The following MCM9 variants were observed in gnomAD, a reference collection of about 807,000 sequenced individuals.
MCM9 encodes minichromosome maintenance 9 homologous recombination repair factor, also known as DNA helicase MCM9.
MCM9 carries 55 observed loss-of-function variants against 72.8 expected under a neutral mutation model. The observed-to-expected ratio is 0.76, with a 90% CI of 0.61 to 0.95. The LOEUF (loss-of-function observed/expected upper bound fraction) is 0.95. Ranked by LOEUF, MCM9 falls within the 40% of genes least tolerant of loss-of-function variation. The probability of loss-of-function intolerance (pLI) is 0.00; values close to 1 mark genes in which losing one functional copy is unlikely to be tolerated. For missense variants in MCM9, 1,279 were observed against 1,377.0 expected (o/e 0.93, Z 1.13); for synonymous variants, 480 against 503.4 (o/e 0.95, Z 0.62).
chr6:118,894,274 A>C (rs370372401), intron 8 of MCM9: 11 of 1,462,082 alleles, frequency 7.5e-6, no homozygotes, highest in Non-Finnish European at 9.9e-6. Context: ...TAAAAAGAGG[A>C]AAAAAGTTTC....
intron 8 of MCM9, among the ~76,000 whole-genome samples, chr6:118,895,624 T>C (rs893482149): frequency 6.6e-6 from 1 of 152,160 alleles, no homozygotes; most frequent in African/African-American, 2.4e-5. Context: ...GTCTTAAAAA[T>C]ACGTATTTTT....
At chr6:118,897,826 T>TA (rs748981039) in intron 8 of MCM9, among the ~76,000 whole-genome samples, 2,918 of 145,380 alleles carry the variant, frequency 0.02, 38 homozygotes, top group Middle Eastern at 0.055. Context: ...AAAGCTGGGT[T>TA]AAAAAAAAAA....
At chr6:118,891,038 T>C (rs1778910042) in intron 8 of MCM9, among the ~76,000 whole-genome samples, 2 of 152,232 alleles carry the variant, frequency 1.3e-5, no homozygotes, top group African/African-American at 4.8e-5. Flanking sequence ...TTTGATTTAA[T>C]TCAATTTTAG....
intron 8 of MCM9, among the ~76,000 whole-genome samples, chr6:118,878,141 G>A (rs1391920649): frequency 6.6e-6 from 1 of 152,072 alleles, no homozygotes; most frequent in Non-Finnish European, 1.5e-5. Context: ...CAGCCTGGGT[G>A]ACAGAGCGAG....
intron 8 of MCM9, among the ~76,000 whole-genome samples, chr6:118,865,262 C>T (rs888369586): frequency 6.6e-6 from 1 of 152,060 alleles, no homozygotes; most frequent in African/African-American, 2.4e-5. Flanking sequence ...GGACGTCATA[C>T]CATAGGGGCA....
intron 6 of MCM9, among the ~76,000 whole-genome samples, chr6:118,915,551 T>C (rs1780874439): frequency 6.6e-6 from 1 of 152,166 alleles, no homozygotes; most frequent in Non-Finnish European, 1.5e-5. Flanking sequence ...TCCTAGCCAG[T>C]ACCCACAGGA....
intron 9 of MCM9, among the ~76,000 whole-genome samples, chr6:118,844,486 T>C (rs1775722194): frequency 6.6e-6 from 1 of 151,454 alleles, no homozygotes; most frequent in South Asian, 2.1e-4. Flanking sequence ...AAAGCCAACA[T>C]GTACTATTCT....
Position 118,923,958 on chromosome 6 carries a change from A to T in MCM9, c.474T>A (p.Ala158=). Reference sequence around the variant, plus strand: ...AAAAGGTGTAATACTGCTCAAAGTCAGCCTTGATCACAAACACATGCTTGC... The same window carrying T: ...AAAAGGTGTAATACTGCTCAAAGTCTGCCTTGATCACAAACACATGCTTGC... ...NKCKHVFVIK[A]DFEQYYTFCR... is the part of the protein sequence containing the mutation. The change falls in exon 4 of 14, where the codon GCT becomes GCA. Residue 158 remains alanine, a synonymous_variant. Coordinates refer to ENST00000619706, the MANE Select transcript of MCM9 (RefSeq NM_017696.3). 3 of 1,614,260 alleles carry T rather than the reference A, an allele frequency of 1.9e-6. No homozygotes were observed. Among genetic ancestry groups the T allele is most frequent in the Non-Finnish European group, 2.5e-6 (3 of 1,180,046 alleles).
chr6:118,832,598 A>C (rs1774644055), intron 9 of MCM9, among the ~76,000 whole-genome samples: 2 of 152,224 alleles, frequency 1.3e-5, no homozygotes, highest in African/African-American at 4.8e-5. Context: ...CAAGAAGTAA[A>C]GACATTCCAA....
intron 2 of MCM9, 103 bp from the exon 3 acceptor site, chr6:118,931,841 C>G (rs144065765): frequency 2.5e-5 from 20 of 807,230 alleles, no homozygotes; most frequent in Non-Finnish European, 3.2e-5. Flanking sequence ...TTGGGTCATA[C>G]TATAATCACA....
chr6:118,896,458 C>T (rs1053448263), intron 8 of MCM9, among the ~76,000 whole-genome samples: 2 of 152,128 alleles, frequency 1.3e-5, no homozygotes, highest in Non-Finnish European at 2.9e-5. Context: ...GATGTCGTTA[C>T]AGGGCTTTTA....
chr6:118,901,349 T>A (rs993127544), intron 8 of MCM9, among the ~76,000 whole-genome samples: 2 of 152,258 alleles, frequency 1.3e-5, no homozygotes, highest in Non-Finnish European at 2.9e-5. Context: ...TTCAGCATAA[T>A]CAGTAGTTGA....
chr6:118,884,910 T>C (rs556565512), intron 8 of MCM9, among the ~76,000 whole-genome samples: 50 of 152,236 alleles, frequency 3.3e-4, no homozygotes, highest in African/African-American at 1.2e-3. Context: ...ATTAAAACAA[T>C]AGCCAGCTGG....
At chr6:118,909,750 A>T (rs7775275) in intron 8 of MCM9, among the ~76,000 whole-genome samples, 28,684 of 152,100 alleles carry the variant, frequency 0.19, 3,223 homozygotes, top group African/African-American at 0.29. Flanking sequence ...TAATTTTAGG[A>T]TTTGGGGTTT....
In MCM9 at chr6:118,815,427, A is replaced by G; in HGVS notation, c.2829T>C (p.Pro943=). 6.4e-7 allele frequency: 1 copy of G among 1,550,554 alleles called. No individual in the cohort carries two copies. Among genetic ancestry groups the G allele is most frequent in the African/African-American group, 1.4e-5 (1 of 73,150 alleles). ...TATGAACTGCTATTTTAGTTGCACC[A>G]GGTGACACATGGCTGTGATCTTCAA... The part of the protein sequence containing the change: ...HSFEDHSHVS[P]GATKIAVHSP... The change falls in exon 14 of 14, where the codon CCT becomes CCC. Residue 943 remains proline (P), a synonymous_variant. Transcript: ENST00000619706.
At chr6:118,837,907 G>T (rs1400087955) in intron 9 of MCM9, among the ~76,000 whole-genome samples, 1 of 152,106 alleles carries the variant, frequency 6.6e-6, no homozygotes, top group Non-Finnish European at 1.5e-5. Context: ...TTATTATGAT[G>T]CTAGCTGGTT....
intron 9 of MCM9, among the ~76,000 whole-genome samples, chr6:118,849,931 C>G (rs1017495825): frequency 6.6e-6 from 1 of 151,682 alleles, no homozygotes; most frequent in Middle Eastern, 3.2e-3. Flanking sequence ...GAATATCTAT[C>G]AGGGATGGAA....
At position 118,815,559 on chromosome 6, in the gene MCM9, A is replaced by G. The variant is rs777318195; in HGVS notation, c.2697T>C (p.Leu899=). 4 of 1,550,134 alleles carry G rather than the reference A, an allele frequency of 2.6e-6. 1 individual carries two copies. In the South Asian group the frequency reaches 4.8e-5, roughly 18 times the overall value. The stretch of plus-strand genomic sequence containing the variant: ...CAATTGCAGGCTCTTCCACTTGCGC[A>G]AGGGATTTCGGTCTCTTTCTTTTGG... ...DSPKRKRPKS[L]AQVEEPAIEN... Residue 899 remains leucine (L), a synonymous_variant, in exon 14 of 14, where the codon CTT becomes CTC. Coordinates refer to ENST00000619706, the MANE Select transcript of MCM9 (RefSeq NM_017696.3).
At chr6:118,860,535 A>T (rs1318524897) in intron 8 of MCM9, among the ~76,000 whole-genome samples, 1 of 152,228 alleles carries the variant, frequency 6.6e-6, no homozygotes, top group Non-Finnish European at 1.5e-5. Context: ...GGACAGAGGC[A>T]ATAGGTGAAG....
Sources: gnomAD v4.1 joint callset for allele counts (sites outside exome capture counted in the v4.1 genomes callset) on GRCh38, gnomAD v4.1.1 for gene constraint, MANE v1.5 for transcripts, NCBI Gene and HGNC (gene_info 2026-07-23, HGNC 2026-07-21) for gene names.